The following PCNX1 variants were observed in gnomAD, a reference collection of about 807,000 sequenced individuals.
PCNX1 encodes pecanex-like protein 1.
In PCNX1, 78 loss-of-function variants were observed where a neutral mutation model predicts 242.2. That is an observed-to-expected ratio of 0.32 (90% CI 0.27 to 0.39). The LOEUF is 0.39. Ranked by LOEUF, PCNX1 falls within the 10% of genes least tolerant of loss-of-function variation. The pLI is 1.00. For missense variants in PCNX1, 2,581 were observed against 2,856.5 expected, an observed-to-expected ratio of 0.90 and a Z score of 2.20; for synonymous variants, 1,024 against 1,032.9, an observed-to-expected ratio of 0.99 and a Z score of 0.17.
At chr14:71,053,984 A>G (rs2061112665) in intron 24 of PCNX1, among the ~76,000 whole-genome samples, 1 of 152,080 alleles carries the variant, frequency 6.6e-6, no homozygotes, top group African/African-American at 2.4e-5. Flanking sequence ...TTCACTCACC[A>G]TGTTGGCCAG....
At chr14:70,949,037 T>C (rs1397830482) in intron 2 of PCNX1, among the ~76,000 whole-genome samples, 1 of 146,766 alleles carries the variant, frequency 6.8e-6, no homozygotes, top group Non-Finnish European at 1.5e-5. Context: ...TGTGTATATA[T>C]ACACATGTAT....
intron 8 of PCNX1, among the ~76,000 whole-genome samples, chr14:71,008,682 AG>A (rs1375576282): frequency 6.7e-6 from 1 of 149,098 alleles, no homozygotes; most frequent in Admixed American, 6.6e-5. Context: ...AAAAAAAAAA[AG>A]GGATTCCTGT....
chr14:70,918,409 C>T (rs1223066836), intron 1 of PCNX1, among the ~76,000 whole-genome samples: 1 of 152,114 alleles, frequency 6.6e-6, no homozygotes, highest in Non-Finnish European at 1.5e-5. Flanking sequence ...CTCCCATCAA[C>T]AAATCTTTGA....
At chr14:71,089,130 A>C in intron 29 of PCNX1, 62 bp from the exon 30 acceptor site, 2 of 1,241,326 alleles carry the variant, frequency 1.6e-6, no homozygotes, top group Non-Finnish European at 2.3e-6. Flanking sequence ...CGCAGATGTA[A>C]GAATCAGTGT....
At chr14:70,987,962 A>G (rs2059048186) in intron 6 of PCNX1, among the ~76,000 whole-genome samples, 1 of 152,214 alleles carries the variant, frequency 6.6e-6, no homozygotes, top group South Asian at 2.1e-4. Context: ...TTTGATGGTA[A>G]TGAAGTACCT....
chr14:71,012,888 G>A, intron 10 of PCNX1, 97 bp from the exon 11 acceptor site: 1 of 794,698 alleles, frequency 1.3e-6, no homozygotes, highest in Non-Finnish European at 2.1e-6. Flanking sequence ...TAAGCTAATT[G>A]AGTAACTGTT....
intron 26 of PCNX1, among the ~76,000 whole-genome samples, chr14:71,068,320 G>A (rs2141361660): frequency 6.6e-6 from 1 of 151,566 alleles, no homozygotes; most frequent in African/African-American, 2.4e-5. Context: ...GACAGAGTGA[G>A]ACTCCATCTC....
At chr14:71,014,188 T>C (rs1444326807) in intron 11 of PCNX1, among the ~76,000 whole-genome samples, 1 of 152,176 alleles carries the variant, frequency 6.6e-6, no homozygotes, top group Non-Finnish European at 1.5e-5. Flanking sequence ...TATTTAAAAG[T>C]GGGGAATAAT....
Position 70,955,871 on chromosome 14 carries a change from T to A in PCNX1, c.363-6355T>A, listed in dbSNP as rs191865765. 3.8e-4 allele frequency among the ~76,000 whole-genome samples: 58 copies of A among 152,190 alleles called. 1 individual carries two copies. Among genetic ancestry groups the A allele is most frequent in the African/African-American group, 4.3e-4 (18 of 41,528 alleles). ...AATTTTACTAGAGGGTTTTTTTTTT[T>A]AAATGAAAACCCCTGTTCATTTTTT... On this transcript the variant is annotated intron_variant, in intron 2 of 35. Transcript: ENST00000304743.
chr14:71,046,825 A>T (rs779363041), intron 20 of PCNX1, 139 bp from the exon 21 acceptor site: 12 of 557,560 alleles, frequency 2.2e-5, no homozygotes, highest in Admixed American at 7.0e-5. Context: ...AGAAGTTGAC[A>T]GTTGATTAAA....
chr14:71,072,691 T>C lies in PCNX1; in HGVS notation c.4853-854T>C, dbSNP rs544420071. Among the ~76,000 whole-genome samples, 8 of 152,354 alleles carry C rather than the reference T, an allele frequency of 5.3e-5. 3 individuals are homozygous for C. The highest frequency in any genetic ancestry group is 1.7e-4 in the African/African-American group (7 of 41,578). On this transcript the variant is annotated intron_variant, in intron 26 of 35. Transcript: ENST00000304743. ...TCTGTACAGTTAAGTATGATTACTT[T>C]ATAGTCTTTACATAATATAAGGAAT...
At chr14:71,015,615 G>C (rs965072621) in intron 11 of PCNX1, among the ~76,000 whole-genome samples, 1 of 152,142 alleles carries the variant, frequency 6.6e-6, no homozygotes, top group East Asian at 1.9e-4. Flanking sequence ...TGGCAACCTA[G>C]TGAGACTCTG....
Position 71,013,041 on chromosome 14 carries a change from G to A in PCNX1, c.2835G>A (p.Leu945=). 1.2e-6 allele frequency: 2 copies of A among 1,613,994 alleles called. No individual in the cohort carries two copies. The highest frequency in any genetic ancestry group is 2.2e-5 in the East Asian group (1 of 44,884). ...NRLLTIDTDL[L]EQQDIDLSPD... is the part of the protein sequence containing the mutation. Reference sequence around the variant, plus strand: ...TATTGACCATTGATACAGATTTGTTGGAGCAACAGGACATTGATCTAAGCC... The same window carrying A: ...TATTGACCATTGATACAGATTTGTTAGAGCAACAGGACATTGATCTAAGCC... Residue 945 remains leucine, a synonymous_variant, in exon 11 of 36, where the codon TTG becomes TTA. Transcript: ENST00000304743.
intron 9 of PCNX1, among the ~76,000 whole-genome samples, chr14:71,010,928 A>G (rs545754731): frequency 1.2e-3 from 182 of 152,052 alleles, no homozygotes; most frequent in Non-Finnish European, 2.3e-3. Flanking sequence ...CACCCTCTCA[A>G]AAAATTATTA....
chr14:70,977,788 C>T lies in PCNX1; in HGVS notation c.1451C>T (p.Thr484Ile). The T allele has an allele frequency of 6.2e-7, 1 of 1,614,092 alleles. No homozygotes were observed. Among genetic ancestry groups the T allele is most frequent in the South Asian group, 1.1e-5 (1 of 91,076 alleles). ...ATGCACAACCAGAGAGGTCTCAGCACCTCTGCATCTGAAGAAGCCAATAAA... is the reference window on the plus strand; with the variant it reads ...ATGCACAACCAGAGAGGTCTCAGCATCTCTGCATCTGAAGAAGCCAATAAA... ...DEMHNQRGLS[T>I]SASEEANKNP... The change falls in exon 6 of 36, where the codon ACC (threonine) becomes ATC (isoleucine). Residue 484 changes from threonine (T) to isoleucine (I), a missense_variant. Thr to Ile is a moderately conservative substitution (Grantham distance 89). Coordinates refer to ENST00000304743, the MANE Select transcript of PCNX1 (RefSeq NM_014982.3).
At chr14:71,073,122 G>A (rs1300033694) in intron 26 of PCNX1, among the ~76,000 whole-genome samples, 2 of 152,118 alleles carry the variant, frequency 1.3e-5, no homozygotes, top group African/African-American at 4.8e-5. Context: ...GTGAAACCCC[G>A]TCTCTACTAA....
intron 1 of PCNX1, among the ~76,000 whole-genome samples, chr14:70,911,883 T>C (rs2055928410): frequency 6.6e-6 from 1 of 152,236 alleles, no homozygotes; most frequent in Non-Finnish European, 1.5e-5. Context: ...CAAATCATTT[T>C]CATAACATAT....
chr14:71,040,265 A>T (rs919080760), intron 19 of PCNX1, among the ~76,000 whole-genome samples: 2 of 152,142 alleles, frequency 1.3e-5, no homozygotes, highest in Non-Finnish European at 2.9e-5. Context: ...TTCTAGGATG[A>T]CAGGTTTTTT....
chr14:71,043,204 CT>C (rs1272637813), intron 19 of PCNX1, among the ~76,000 whole-genome samples: 1 of 152,020 alleles, frequency 6.6e-6, no homozygotes, highest in Admixed American at 6.6e-5. Flanking sequence ...TAACTTAACC[CT>C]TTTTCTCTTG....
Sources: allele counts gnomAD v4.1 joint callset (sites outside exome capture counted in the v4.1 genomes callset), GRCh38; gene constraint gnomAD v4.1.1; transcripts MANE v1.5; gene names NCBI Gene and HGNC (gene_info 2026-07-23, HGNC 2026-07-21).